The following PBX1 variants were observed in gnomAD, a reference collection of about 807,000 sequenced individuals.
The protein encoded by PBX1 is PBX homeobox 1.
In PBX1, 6 loss-of-function variants were observed where a neutral mutation model predicts 53.4. The ratio of observed to expected loss-of-function variants is 0.11; its 90% CI spans 0.06 to 0.22. The LOEUF is 0.22. Among genes scored for constraint, PBX1 ranks in the 10% least tolerant of loss-of-function variants. PBX1 has a pLI of 1.00. For missense variants in PBX1, 251 were observed against 551.4 expected (o/e 0.46, Z 5.46); for synonymous variants, 204 against 212.3 (o/e 0.96, Z 0.34).
At chr1:164,773,236 A>AACACTCACACACACAC (rs1193168258) in intron 2 of PBX1, among the ~76,000 whole-genome samples, 1 of 48,050 alleles carries the variant, frequency 2.1e-5, no homozygotes. Context: ...GCATATAGGT[A>AACACTCACACACACAC]ACACGCGCAC....
At chr1:164,854,705 G>T (rs1196716258), downstream of PBX1, among the ~76,000 whole-genome samples, 10 of 151,996 alleles carry the variant, frequency 6.6e-5, no homozygotes, top group African/African-American at 2.4e-4. Context: ...GGTTGTAAAG[G>T]GTTATAGCAG....
chr1:164,757,533 A>T (rs1489402480), intron 2 of PBX1, among the ~76,000 whole-genome samples: 1 of 152,196 alleles, frequency 6.6e-6, no homozygotes, highest in East Asian at 1.9e-4. Context: ...CAAAATACTG[A>T]AAGAGGTTTA....
At chr1:164,656,537 T>A (rs182473404) in intron 2 of PBX1, among the ~76,000 whole-genome samples, 4 of 152,280 alleles carry the variant, frequency 2.6e-5, no homozygotes, top group Non-Finnish European at 1.5e-5. Flanking sequence ...ACTAAACATA[T>A]CTATTCCTTT....
At chr1:164,726,440 A>T (rs1347215372) in intron 2 of PBX1, among the ~76,000 whole-genome samples, 1 of 152,176 alleles carries the variant, frequency 6.6e-6, no homozygotes, top group Non-Finnish European at 1.5e-5. Flanking sequence ...TTGCCACGTG[A>T]TCTGTTTACT....
intron 2 of PBX1, among the ~76,000 whole-genome samples, chr1:164,620,153 C>T (rs7523756): frequency 0.02 from 3,084 of 152,242 alleles, 105 homozygotes; most frequent in African/African-American, 0.07. Flanking sequence ...ATGATTGGAC[C>T]TGGCAGCAGA....
chr1:164,875,988 G>GTATATATA lies in PBX1; in HGVS notation n.258-23189_258-23182dup, dbSNP rs369277110. On this transcript the variant is annotated intron_variant and non_coding_transcript_variant, in intron 2 of 2. Transcript: ENST00000558796. Reference sequence around the variant, plus strand: ...ATACCTATATATATTTGGTGTATGTGTATATATATATATATATACACACAT... The same window carrying GTATATATA: ...ATACCTATATATATTTGGTGTATGTGTATATATATATATATATATATATATACACACAT... Among the ~76,000 whole-genome samples the GTATATATA allele has an allele frequency of 4.1e-3, 235 of 56,802 alleles. 21 individuals carry two copies. The highest frequency in any genetic ancestry group is 0.013 in the Middle Eastern group (1 of 78). 37.3% of individuals were successfully genotyped at this position (56,802 alleles called of 152,430 possible).
chr1:164,773,243 GCACACA>G (rs60518864), intron 2 of PBX1, among the ~76,000 whole-genome samples: 5 of 147,782 alleles, frequency 3.4e-5, no homozygotes, highest in Non-Finnish European at 6.0e-5. Flanking sequence ...GGTAACACGC[GCACACA>G]CACACACACA....
chr1:164,626,508 C>G (rs1019413183), intron 2 of PBX1, among the ~76,000 whole-genome samples: 1 of 152,152 alleles, frequency 6.6e-6, no homozygotes, highest in Non-Finnish European at 1.5e-5. Flanking sequence ...TTAGGCATTT[C>G]TAGCTGTAGG....
chr1:164,806,311 A>AT (rs1669346421), intron 4 of PBX1, among the ~76,000 whole-genome samples: 1 of 151,786 alleles, frequency 6.6e-6, no homozygotes, highest in Non-Finnish European at 1.5e-5. Flanking sequence ...AAAAAAAGTG[A>AT]TTTTCTCCTT....
chr1:164,812,270 T>A (rs77162523), intron 6 of PBX1, 121 bp downstream of exon 6: 1 of 965,970 alleles, frequency 1.0e-6, no homozygotes, highest in East Asian at 2.7e-5. Context: ...TTTCTGTATT[T>A]GATTGTATTT....
At chr1:164,838,121 C>T (rs769177591) in intron 8 of PBX1, among the ~76,000 whole-genome samples, 2 of 152,170 alleles carry the variant, frequency 1.3e-5, no homozygotes, top group African/African-American at 2.4e-5. Context: ...ATGGAATCTT[C>T]CAGTTGGTGA....
intron 2 of PBX1, among the ~76,000 whole-genome samples, chr1:164,777,211 C>T (rs1037936944): frequency 6.6e-6 from 1 of 152,038 alleles, no homozygotes; most frequent in African/African-American, 2.4e-5. Flanking sequence ...TCAGTTGAGG[C>T]CAGGAGTTCA....
At chr1:164,807,508 C>G (rs201635672) in intron 4 of PBX1, 34 bp from the exon 5 acceptor site, 2 of 1,604,772 alleles carry the variant, frequency 1.2e-6, no homozygotes, top group African/African-American at 1.3e-5. Flanking sequence ...TTGGTGTGAG[C>G]CTTTTTGTTA....
At chr1:164,591,254 T>G (rs1039893804) in intron 2 of PBX1, among the ~76,000 whole-genome samples, 5 of 152,148 alleles carry the variant, frequency 3.3e-5, no homozygotes, top group Non-Finnish European at 1.5e-5. Context: ...TCAAGTGATC[T>G]GCCTGCCTCA....
intron 2 of PBX1, among the ~76,000 whole-genome samples, chr1:164,673,054 T>C (rs1468296931): frequency 1.3e-5 from 2 of 152,240 alleles, no homozygotes; most frequent in South Asian, 4.1e-4. Context: ...TCCATGTGTA[T>C]GTAATATAGT....
chr1:164,711,817 G>A (rs968238557), intron 2 of PBX1, among the ~76,000 whole-genome samples: 6 of 152,340 alleles, frequency 3.9e-5, no homozygotes, highest in South Asian at 2.1e-4. Flanking sequence ...TTCAGCCATC[G>A]TGTGCTGAAA....
chr1:164,581,276 G>A (rs1654599920), intron 2 of PBX1, among the ~76,000 whole-genome samples: 1 of 148,838 alleles, frequency 6.7e-6, no homozygotes, highest in Admixed American at 6.7e-5. Context: ...CACCCAGGCT[G>A]TAGTGCAGTG....
At chr1:164,694,212 A>G (rs723238) in intron 2 of PBX1, among the ~76,000 whole-genome samples, 64,592 of 152,028 alleles carry the variant, frequency 0.42, 15,695 homozygotes, top group Middle Eastern at 0.57. Flanking sequence ...TTTCTATTAT[A>G]AAATTCTCAT....
chr1:164,622,725 T>G (rs1312981405), intron 2 of PBX1, among the ~76,000 whole-genome samples: 1 of 152,182 alleles, frequency 6.6e-6, no homozygotes, highest in Non-Finnish European at 1.5e-5. Flanking sequence ...TAACCAGCTG[T>G]TTGAAATCAC....
Sources: allele counts gnomAD v4.1 joint callset (sites outside exome capture counted in the v4.1 genomes callset), GRCh38; gene constraint gnomAD v4.1.1; transcripts MANE v1.5; gene names NCBI Gene and HGNC (gene_info 2026-07-23, HGNC 2026-07-21).